ADAMTS9: variants seen among roughly 807,000 people sequenced by gnomAD.
ADAMTS9 encodes A disintegrin and metalloproteinase with thrombospondin motifs 9.
ADAMTS9 carries 107 observed loss-of-function variants against 257.1 expected under a neutral mutation model. The observed-to-expected ratio is 0.42, with a 90% CI of 0.36 to 0.49. ADAMTS9 has a LOEUF of 0.49. ADAMTS9 is among the 20% of genes least tolerant of loss of function. The pLI is 0.03. For synonymous variants in ADAMTS9, 982 were observed against 880.9 expected, an observed-to-expected ratio of 1.11 and a Z score of -2.03; for missense variants, 2,353 against 2,469.1, an observed-to-expected ratio of 0.95 and a Z score of 1.00.
chr3:64,528,052 C>T (rs143767767), intron 38 of ADAMTS9, among the ~76,000 whole-genome samples: 1 of 152,224 alleles, frequency 6.6e-6, no homozygotes, highest in Admixed American at 6.5e-5. Flanking sequence ...AGCCCTTGCT[C>T]TAGCCCAGGA....
intron 23 of ADAMTS9, among the ~76,000 whole-genome samples, chr3:64,606,712 C>G (rs1338333440): frequency 1.3e-5 from 2 of 152,062 alleles, no homozygotes; most frequent in African/African-American, 4.8e-5. Flanking sequence ...AGCCCAAAAC[C>G]CAACATTCAT....
intron 16 of ADAMTS9, among the ~76,000 whole-genome samples, chr3:64,631,076 C>A (rs1236145595): frequency 6.6e-6 from 1 of 152,156 alleles, no homozygotes; most frequent in African/African-American, 2.4e-5. Context: ...AAAATTAAGT[C>A]AAGTAATGCT....
intron 16 of ADAMTS9, among the ~76,000 whole-genome samples, chr3:64,629,399 C>G (rs567015121): frequency 6.6e-6 from 1 of 152,196 alleles, no homozygotes; most frequent in Admixed American, 6.5e-5. Context: ...ATGACCTAGT[C>G]TTGTTTAACC....
At chr3:64,642,944 G>A (rs1700691826) in intron 11 of ADAMTS9, among the ~76,000 whole-genome samples, 1 of 152,206 alleles carries the variant, frequency 6.6e-6, no homozygotes, top group Non-Finnish European at 1.5e-5. Flanking sequence ...GAAGGTCTCA[G>A]TGGGAATAGC....
At chr3:64,664,734 T>A (rs150570606) in intron 3 of ADAMTS9, among the ~76,000 whole-genome samples, 2 of 152,214 alleles carry the variant, frequency 1.3e-5, no homozygotes, top group African/African-American at 4.8e-5. Context: ...GCTATGAACA[T>A]TCATGTGCAA....
chr3:64,517,415 G>GTTTTTTTTTTTTTTTT lies in ADAMTS9; in HGVS notation c.*6-295_*6-294insAAAAAAAAAAAAAAAA, dbSNP rs1242670245. 5.4e-3 allele frequency among the ~76,000 whole-genome samples: 62 copies of GTTTTTTTTTTTTTTTT among 11,554 alleles called. 1 individual carries two copies. The highest frequency in any genetic ancestry group is 0.011 in the Non-Finnish European group (36 of 3,300). The allele number at this position is 11,554 out of a possible 152,430, so 7.6% of individuals were successfully genotyped here. A position where few individuals can be genotyped will look rare whatever the true frequency, so the allele number is the denominator to read the frequency against. Reference sequence around the variant, plus strand: ...CCATCAAGCCCAGCTAATTAAAAATGGTTTTTTTTTTTTTTTTTTTTTTTG... The same window carrying GTTTTTTTTTTTTTTTT: ...CCATCAAGCCCAGCTAATTAAAAATGTTTTTTTTTTTTTTTTGTTTTTTTTTTTTTTTTTTTTTTTG... On this transcript the variant is annotated intron_variant, in intron 39 of 39. Coordinates refer to ENST00000498707, the MANE Select transcript of ADAMTS9 (RefSeq NM_182920.2).
At chr3:64,565,284 A>C (rs2083514217) in intron 29 of ADAMTS9, 1 of 152,242 alleles carries the variant, frequency 6.6e-6, no homozygotes, top group African/African-American at 2.4e-5. Flanking sequence ...GAAAAGTCTT[A>C]ATCAAGAATG....
chr3:64,662,527 G>C (rs554930772), intron 3 of ADAMTS9, among the ~76,000 whole-genome samples: 10 of 152,000 alleles, frequency 6.6e-5, no homozygotes, highest in Non-Finnish European at 1.5e-4. Flanking sequence ...TTGTTGAATT[G>C]TCTATTTGTC....
In ADAMTS9 at chr3:64,535,108, T is replaced by C. The variant is rs370420709; in HGVS notation, c.5614-1838A>G. 8.4e-4 allele frequency among the ~76,000 whole-genome samples: 128 copies of C among 152,262 alleles called. 4 individuals are homozygous for C. The South Asian group carries it at 0.024, about 29-fold the overall frequency. The stretch of plus-strand genomic sequence containing the variant: ...AAAAATATTTTTGGGCTGAGTGTGG[T>C]GGCTCACACCTGTAATCCTAGTACT... On this transcript the variant is annotated intron_variant, in intron 37 of 39. Coordinates refer to ENST00000498707, the MANE Select transcript of ADAMTS9 (RefSeq NM_182920.2).
chr3:64,653,756 T>C (rs2106954129), intron 8 of ADAMTS9, among the ~76,000 whole-genome samples: 1 of 152,210 alleles, frequency 6.6e-6, no homozygotes, highest in East Asian at 1.9e-4. Context: ...CTAACCGTGC[T>C]CTATCTCTAA....
At chr3:64,613,232 G>T in intron 22 of ADAMTS9, 113 bp downstream of exon 22, 2 of 1,303,938 alleles carry the variant, frequency 1.5e-6, no homozygotes, top group Non-Finnish European at 1.1e-6. Context: ...GAGGTGTCCT[G>T]CATGCCACCC....
At chr3:64,541,437 T>C in intron 34 of ADAMTS9, 23 bp from the exon 35 acceptor site, 2 of 1,612,900 alleles carry the variant, frequency 1.2e-6, no homozygotes, top group Non-Finnish European at 1.7e-6. Flanking sequence ...AAATAACCCA[T>C]GAAGAGTGGC....
At chr3:64,601,813 A>C (rs991009841) in intron 26 of ADAMTS9, 131 bp downstream of exon 26, 1 of 1,141,914 alleles carries the variant, frequency 8.8e-7, no homozygotes. Context: ...AAGTTACTCA[A>C]AGCAAATGAA....
chr3:64,556,324 A>G (rs775778571), intron 30 of ADAMTS9, among the ~76,000 whole-genome samples: 12 of 152,020 alleles, frequency 7.9e-5, no homozygotes, highest in Admixed American at 1.3e-4. Context: ...TTATTTTTTT[A>G]TTTTTAATGT....
Position 64,613,422 on chromosome 3 carries a change from G to A in ADAMTS9, c.3277C>T (p.Pro1093Ser), listed in dbSNP as rs770978347. 1.2e-6 allele frequency: 2 copies of A among 1,613,800 alleles called. No individual in the cohort carries two copies. Among genetic ancestry groups the A allele is most frequent in the African/African-American group, 1.3e-5 (1 of 74,900 alleles). ...EDRLNDRMCD[P>S]ETKPTSMQTC... ...TGCATAGATGTTGGCTTGGTCTCAG[G>A]GTCACACATTCTATCATTTAATCGA... The change falls in exon 22 of 40, where the codon CCT becomes TCT. Residue 1093 changes from proline to serine, a missense_variant. Coordinates refer to ENST00000498707, the MANE Select transcript of ADAMTS9 (RefSeq NM_182920.2).
At chr3:64,598,287 A>T (rs2084399556) in intron 26 of ADAMTS9, among the ~76,000 whole-genome samples, 1 of 150,596 alleles carries the variant, frequency 6.6e-6, no homozygotes, top group South Asian at 2.1e-4. Flanking sequence ...ATTCTGGTAT[A>T]CTTACTCTAA....
chr3:64,607,144 A>C (rs1020858175), intron 22 of ADAMTS9, 65 bp from the exon 23 acceptor site: 1 of 1,588,166 alleles, frequency 6.3e-7, no homozygotes, highest in East Asian at 2.2e-5. Flanking sequence ...TACTTTCCCC[A>C]TAACATTCTG....
At chr3:64,546,241 A>G in intron 32 of ADAMTS9, among the ~76,000 whole-genome samples, 1 of 146,702 alleles carries the variant, frequency 6.8e-6, no homozygotes, top group East Asian at 2.0e-4. Flanking sequence ...TGCATTTAAG[A>G]TTTTTTTTTT....
In ADAMTS9 at chr3:64,551,037, G is replaced by C. The variant is rs746064998; in HGVS notation, c.4724C>G (p.Ser1575Cys). The C allele has an allele frequency of 2.5e-6, 4 of 1,614,038 alleles. No individual in the cohort carries two copies. Among genetic ancestry groups the C allele is most frequent in the African/African-American group, 2.7e-5 (2 of 74,918 alleles). Residue 1575 changes from serine to cysteine, a missense_variant, in exon 31 of 40, where the codon TCC becomes TGC. Physicochemically the swap from Ser to Cys is moderately radical, Grantham distance 112 (BLOSUM62 -1). Around this residue, in one of 3 missense-constraint regions of ADAMTS9, gnomAD observed 1,402 missense variants for 1,441.4 expected, o/e 0.97. Coordinates refer to ENST00000498707, the MANE Select transcript of ADAMTS9 (RefSeq NM_182920.2). ...CACACACACCACCTTGCGGTACCTGGAGCCTTCGCCGCAGGTCTTGGTGCA... is the reference window on the plus strand; with the variant it reads ...CACACACACCACCTTGCGGTACCTGCAGCCTTCGCCGCAGGTCTTGGTGCA... ...QECTKTCGEGSRYRKVVCVDD... is the reference protein window; with the variant it reads ...QECTKTCGEGCRYRKVVCVDD...
Sources: gnomAD v4.1 joint callset for allele counts (sites outside exome capture counted in the v4.1 genomes callset) on GRCh38, gnomAD v4.1.1 for gene constraint, gnomAD v4.1.1 regional missense constraint, MANE v1.5 for transcripts, NCBI Gene and HGNC (gene_info 2026-07-23, HGNC 2026-07-21) for gene names.